Variants in UTRN observed in about 807,000 individuals in gnomAD.
The protein encoded by UTRN is dystrophin-related protein 1.
A neutral mutation model predicts 463.9 loss-of-function variants in UTRN; 283 were observed. The observed-to-expected ratio is 0.61, with a 90% confidence interval of 0.55 to 0.67. The LOEUF (loss-of-function observed/expected upper bound fraction) is 0.67. UTRN is among the 30% of genes least tolerant of loss of function. UTRN has a pLI of 0.00. For missense variants in UTRN, 3,922 were observed against 4,084.3 expected (o/e 0.96, Z 1.08); for synonymous variants, 1,442 against 1,431.5 (o/e 1.01, Z -0.17).
At chr6:144,458,002 G>A (rs939792126) in intron 19 of UTRN, among the ~76,000 whole-genome samples, 1 of 152,084 alleles carries the variant, frequency 6.6e-6, no homozygotes, top group African/African-American at 2.4e-5. Flanking sequence ...ATTAAGGGAA[G>A]GACTATGATA....
chr6:144,574,877 C>T (rs1416995294), intron 50 of UTRN, among the ~76,000 whole-genome samples: 1 of 152,056 alleles, frequency 6.6e-6, no homozygotes, highest in African/African-American at 2.4e-5. Context: ...CCACTGTGCC[C>T]CACCTAGACA....
intron 51 of UTRN, among the ~76,000 whole-genome samples, chr6:144,582,869 TTTAG>T (rs1802105020): frequency 6.6e-6 from 1 of 152,158 alleles, no homozygotes; most frequent in Non-Finnish European, 1.5e-5. Context: ...GGGGTGATTT[TTTAG>T]CACTTAATGT....
At chr6:144,679,591 C>G (rs1310165931) in intron 52 of UTRN, among the ~76,000 whole-genome samples, 2 of 152,114 alleles carry the variant, frequency 1.3e-5, no homozygotes, top group African/African-American at 4.8e-5. Flanking sequence ...ATATTTAACA[C>G]TCATGATTGC....
chr6:144,774,446 A>T lies in UTRN; in HGVS notation c.8632+82A>T, dbSNP rs184697653. 212 of 1,294,866 alleles carry T rather than the reference A, an allele frequency of 1.6e-4. No individual in the cohort carries two copies. In the African/African-American group the frequency reaches 2.9e-3, roughly 18 times the overall value. The allele number at this position is 1,294,866 out of a possible 1,614,324, so 80.2% of individuals were successfully genotyped here. ...TCCAAGAGGAAGATAAATGAAGAGG[A>T]TGGAGTGTTTGCCAAGTTAATCTGG... is the stretch of plus-strand genomic sequence containing the variant. On this transcript the variant is annotated intron_variant, in intron 60 of 74. Coordinates refer to ENST00000367545, the MANE Select transcript of UTRN (RefSeq NM_007124.3).
chr6:144,533,808 C>CA (rs1797293758), intron 43 of UTRN, among the ~76,000 whole-genome samples: 1 of 151,824 alleles, frequency 6.6e-6, no homozygotes, highest in Non-Finnish European at 1.5e-5. Flanking sequence ...CTTCCAGTTG[C>CA]AAATTTGTTT....
chr6:144,741,215 C>T (rs1790035325), intron 54 of UTRN, among the ~76,000 whole-genome samples: 1 of 152,170 alleles, frequency 6.6e-6, no homozygotes, highest in East Asian at 1.9e-4. Context: ...CCATATTTAA[C>T]TTATAAGAAT....
chr6:144,589,748 G>A (rs994729314), intron 51 of UTRN, among the ~76,000 whole-genome samples: 3 of 152,022 alleles, frequency 2.0e-5, no homozygotes, highest in South Asian at 4.1e-4. Flanking sequence ...TTTAAAACAT[G>A]GAATTCTGGA....
chr6:144,503,024 TG>T (rs1467227968), intron 34 of UTRN, among the ~76,000 whole-genome samples: 3 of 152,246 alleles, frequency 2.0e-5, no homozygotes, highest in African/African-American at 7.2e-5. Context: ...TTTTTTCATA[TG>T]TTTTTTGGCC....
At chr6:144,640,072 G>GATTGAGAGAC (rs1188496809) in intron 51 of UTRN, among the ~76,000 whole-genome samples, 4 of 146,642 alleles carry the variant, frequency 2.7e-5, no homozygotes, top group African/African-American at 7.6e-5. Context: ...TTGAGAGACA[G>GATTGAGAGAC]AGAGAGAGAG....
rs758629361 is a variant in UTRN, at chr6:144,440,372, G to A, written c.1413G>A (p.Glu471=). The part of the protein sequence containing the change: ...EEHKSLQSDL[E]AEQVKVNSLT... ...TCTAGAGTTTGCAAAGTGATCTTGA[G>A]GCTGAACAGGTGAAAGTAAATTCAC... is the stretch of plus-strand genomic sequence containing the variant. The change falls in exon 13 of 75, where the codon GAG becomes GAA. Residue 471 remains glutamate, a synonymous_variant. Transcript: ENST00000367545. The A allele has an allele frequency of 2.5e-6, 4 of 1,614,034 alleles. No homozygotes were observed. Among genetic ancestry groups the A allele is most frequent in the Non-Finnish European group, 3.4e-6 (4 of 1,180,026 alleles).
intron 54 of UTRN, among the ~76,000 whole-genome samples, chr6:144,732,257 T>TACAC (rs1161418624): frequency 3.5e-5 from 3 of 85,506 alleles, no homozygotes; most frequent in Admixed American, 1.2e-4. Context: ...TATATATATA[T>TACAC]ACACACATAT....
chr6:144,622,638 T>C (rs1775548940), intron 51 of UTRN, among the ~76,000 whole-genome samples: 1 of 152,256 alleles, frequency 6.6e-6, no homozygotes, highest in South Asian at 2.1e-4. Context: ...TTTTCTGATA[T>C]CTTTACAAGA....
At chr6:144,307,845 T>A (rs970821472) in intron 2 of UTRN, among the ~76,000 whole-genome samples, 1 of 152,066 alleles carries the variant, frequency 6.6e-6, no homozygotes, top group African/African-American at 2.4e-5. Context: ...TAATGAAACT[T>A]GGGCTTCATC....
chr6:144,824,588 A>C (rs1477481461), intron 66 of UTRN, among the ~76,000 whole-genome samples: 15 of 37,882 alleles, frequency 4.0e-4, no homozygotes, highest in African/African-American at 1.3e-3. Context: ...ATATATATAT[A>C]TATATATATA....
chr6:144,489,990 A>G, intron 30 of UTRN, 81 bp from the exon 31 acceptor site: 1 of 1,542,630 alleles, frequency 6.5e-7, no homozygotes, highest in Non-Finnish European at 8.7e-7. Context: ...TTACACAACG[A>G]TATAGAACTT....
At chr6:144,671,036 A>G (rs549468658) in intron 51 of UTRN, among the ~76,000 whole-genome samples, 2 of 152,128 alleles carry the variant, frequency 1.3e-5, no homozygotes, top group Non-Finnish European at 2.9e-5. Context: ...TGGTAACTAT[A>G]GCCTTGTAGT....
At chr6:144,490,778 G>A (rs1204196828) in intron 31 of UTRN, 151 bp from the exon 32 acceptor site, 63 of 826,206 alleles carry the variant, frequency 7.6e-5, no homozygotes, top group Non-Finnish European at 1.1e-4. Flanking sequence ...CCCTCACTGA[G>A]ATTCATTAGG....
intron 58 of UTRN, among the ~76,000 whole-genome samples, chr6:144,761,460 G>T (rs1792666955): frequency 6.6e-6 from 1 of 151,908 alleles, no homozygotes; most frequent in Admixed American, 6.6e-5. Context: ...TTCAAGACCA[G>T]CCTGAGCAAC....
chr6:144,426,992 T>C (rs1184824690), intron 7 of UTRN, among the ~76,000 whole-genome samples: 1 of 152,226 alleles, frequency 6.6e-6, no homozygotes, highest in Non-Finnish European at 1.5e-5. Context: ...ATTAAGACTA[T>C]GCAGTACTAT....
Sources: allele counts gnomAD v4.1 joint callset (sites outside exome capture counted in the v4.1 genomes callset), GRCh38; gene constraint gnomAD v4.1.1; transcripts MANE v1.5; gene names NCBI Gene and HGNC (gene_info 2026-07-23, HGNC 2026-07-21).